RBFOX1: variants seen among roughly 807,000 people sequenced by gnomAD.
RBFOX1 encodes the protein RNA binding fox-1 homolog 1, also known as RNA binding protein fox-1 homolog 1.
In RBFOX1, 8 loss-of-function variants were observed where a neutral mutation model predicts 57.7. That is an observed-to-expected ratio of 0.14 (90% CI 0.08 to 0.25). RBFOX1 has a LOEUF of 0.25. Ranked by LOEUF, RBFOX1 falls within the 10% of genes least tolerant of loss-of-function variation. The pLI, the probability that RBFOX1 is intolerant of heterozygous loss-of-function variation, is 1.00. For synonymous variants in RBFOX1, 326 were observed against 222.4 expected, an observed-to-expected ratio of 1.47 and a Z score of -4.15; for missense variants, 611 against 548.5, an observed-to-expected ratio of 1.11 and a Z score of -1.14.
chr16:7,015,032 A>C (rs2093839774), intron 3 of RBFOX1, among the ~76,000 whole-genome samples: 1 of 152,184 alleles, frequency 6.6e-6, no homozygotes, highest in South Asian at 2.1e-4. Flanking sequence ...CTTCTTTACC[A>C]GGTTCTATGC....
intron 3 of RBFOX1, among the ~76,000 whole-genome samples, chr16:6,786,867 A>G (rs1363205446): frequency 6.6e-6 from 1 of 151,372 alleles, no homozygotes; most frequent in Non-Finnish European, 1.5e-5. Flanking sequence ...ATTTCAGACC[A>G]GAAGGAAGAG....
At chr16:7,505,984 G>A (rs1024551075) in intron 4 of RBFOX1, among the ~76,000 whole-genome samples, 2 of 151,894 alleles carry the variant, frequency 1.3e-5, no homozygotes, top group Non-Finnish European at 2.9e-5. Context: ...AGGAGGTTGA[G>A]ACCATCCTGT....
chr16:7,422,020 G>C (rs2098547577), intron 4 of RBFOX1, among the ~76,000 whole-genome samples: 1 of 152,192 alleles, frequency 6.6e-6, no homozygotes, highest in African/African-American at 2.4e-5. Flanking sequence ...GGCTCTGAGT[G>C]ATAAAGGAAA....
chr16:6,144,421 A>G lies in RBFOX1; in HGVS notation c.-127+124429A>G, dbSNP rs80064536. Reference sequence around the variant, plus strand: ...CTTTTAATAGGAAATTTCCCAATAAACCTATTAAAAGCATAATGAAAACCT... The same window carrying G: ...CTTTTAATAGGAAATTTCCCAATAAGCCTATTAAAAGCATAATGAAAACCT... On this transcript the variant is annotated intron_variant, in intron 1 of 15. Transcript: ENST00000550418. 4.1e-3 allele frequency among the ~76,000 whole-genome samples: 622 copies of G among 152,236 alleles called. 4 individuals are homozygous for G. The highest frequency in any genetic ancestry group is 6.5e-3 in the Non-Finnish European group (444 of 68,026).
At chr16:7,353,335 G>T (rs965656315) in intron 4 of RBFOX1, among the ~76,000 whole-genome samples, 6 of 152,146 alleles carry the variant, frequency 3.9e-5, no homozygotes, top group African/African-American at 1.4e-4. Context: ...AAGATGCGGA[G>T]AAATTGGAAT....
intron 4 of RBFOX1, among the ~76,000 whole-genome samples, chr16:5,976,296 G>A (rs1236903801): frequency 6.6e-6 from 1 of 152,180 alleles, no homozygotes; most frequent in African/African-American, 2.4e-5. Context: ...GTGAGCACAC[G>A]AGTTAGGAAA....
intron 3 of RBFOX1, among the ~76,000 whole-genome samples, chr16:5,816,705 G>T (rs1424266078): frequency 6.6e-6 from 1 of 152,112 alleles, no homozygotes; most frequent in East Asian, 1.9e-4. Flanking sequence ...GATTGTTTGA[G>T]CCTGGGAGGC....
intron 2 of RBFOX1, among the ~76,000 whole-genome samples, chr16:6,628,455 C>T (rs2098339091): frequency 1.3e-5 from 2 of 152,136 alleles, no homozygotes; most frequent in Admixed American, 1.3e-4. Context: ...ATGAAAGAAT[C>T]ATAATATACT....
intron 1 of RBFOX1, among the ~76,000 whole-genome samples, chr16:6,060,312 A>C (rs2095669094): frequency 6.6e-6 from 1 of 152,066 alleles, no homozygotes; most frequent in Non-Finnish European, 1.5e-5. Context: ...TAAAATGGTG[A>C]TAATAATAGC....
intron 1 of RBFOX1, among the ~76,000 whole-genome samples, chr16:5,362,074 T>TGTCTG (rs1167394390): frequency 1.3e-5 from 2 of 152,252 alleles, no homozygotes; most frequent in East Asian, 3.8e-4. Context: ...AACATTTAAC[T>TGTCTG]TAATATTGAA....
intron 3 of RBFOX1, among the ~76,000 whole-genome samples, chr16:6,854,882 C>G (rs1426352641): frequency 6.6e-6 from 1 of 151,972 alleles, no homozygotes; most frequent in African/African-American, 2.4e-5. Context: ...GCGTGAGCCA[C>G]CGCGCCCAGC....
chr16:5,600,479 C>A (rs9939754), downstream of RBFOX1, among the ~76,000 whole-genome samples: 1 of 125,790 alleles, frequency 7.9e-6, no homozygotes, highest in Non-Finnish European at 1.6e-5. Context: ...AGAGTAAGAG[C>A]CTGTCTCAAA....
chr16:6,663,369 T>C (rs1372124217), intron 3 of RBFOX1, among the ~76,000 whole-genome samples: 1 of 152,216 alleles, frequency 6.6e-6, no homozygotes, highest in Non-Finnish European at 1.5e-5. Context: ...TTAGGGCTTA[T>C]ATGCCAGTGA....
intron 3 of RBFOX1, among the ~76,000 whole-genome samples, chr16:6,813,873 C>G (rs759242919): frequency 2.6e-5 from 4 of 152,144 alleles, no homozygotes; most frequent in Middle Eastern, 3.4e-3. Flanking sequence ...CTCAGCCAGC[C>G]CCTTGTTAGG....
chr16:5,300,306 C>G (rs1245296854), intron 1 of RBFOX1, among the ~76,000 whole-genome samples: 1 of 151,998 alleles, frequency 6.6e-6, no homozygotes, highest in Non-Finnish European at 1.5e-5. Context: ...TGAAAATATC[C>G]TCATCTCAGG....
At chr16:6,457,752 A>T (rs1225940187) in intron 2 of RBFOX1, among the ~76,000 whole-genome samples, 1 of 152,292 alleles carries the variant, frequency 6.6e-6, no homozygotes, top group Middle Eastern at 3.4e-3. Flanking sequence ...GCTGTCCTTC[A>T]TCGTTTGATC....
At chr16:7,507,196 G>A (rs1181058475) in intron 4 of RBFOX1, among the ~76,000 whole-genome samples, 1 of 152,120 alleles carries the variant, frequency 6.6e-6, no homozygotes, top group Admixed American at 6.5e-5. Flanking sequence ...AAATTACCTG[G>A]CCTATCATAG....
At chr16:7,007,750 C>T (rs1352988397) in intron 3 of RBFOX1, among the ~76,000 whole-genome samples, 1 of 152,172 alleles carries the variant, frequency 6.6e-6, no homozygotes, top group East Asian at 1.9e-4. Flanking sequence ...CATCTCATTT[C>T]CCTACATGCA....
At chr16:6,944,854 A>T (rs1265146558) in intron 3 of RBFOX1, among the ~76,000 whole-genome samples, 1 of 152,116 alleles carries the variant, frequency 6.6e-6, no homozygotes, top group South Asian at 2.1e-4. Flanking sequence ...CCAATTAGCA[A>T]CTCCAATTGA....
Sources: allele counts gnomAD v4.1 joint callset (sites outside exome capture counted in the v4.1 genomes callset), GRCh38; gene constraint gnomAD v4.1.1; transcripts MANE v1.5; gene names NCBI Gene and HGNC (gene_info 2026-07-23, HGNC 2026-07-21).